ADAM23: variants seen among roughly 807,000 people sequenced by gnomAD.
ADAM23 encodes ADAM metallopeptidase domain 23, also known as disintegrin and metalloproteinase domain-containing protein 23.
ADAM23 carries 33 observed loss-of-function variants against 120.1 expected under a neutral mutation model. That is an observed-to-expected ratio of 0.27 (90% CI 0.21 to 0.37). The LOEUF (loss-of-function observed/expected upper bound fraction) is 0.37. ADAM23 is among the 10% of genes least tolerant of loss of function. The probability of loss-of-function intolerance (pLI) is 1.00; values close to 1 mark genes in which losing one functional copy is unlikely to be tolerated. For missense variants in ADAM23, 862 were observed against 1,058.2 expected (o/e 0.81, Z 2.57); for synonymous variants, 367 against 375.2 (o/e 0.98, Z 0.25).
intron 3 of ADAM23, among the ~76,000 whole-genome samples, chr2:206,495,540 A>G (rs1403059982): frequency 6.6e-6 from 1 of 152,252 alleles, no homozygotes; most frequent in African/African-American, 2.4e-5. Flanking sequence ...CAGCCACTGC[A>G]AAAACATGCC....
chr2:206,617,876 T>A lies in ADAM23; in HGVS notation c.*249T>A. On this transcript the variant is annotated 3_prime_UTR_variant, in exon 26 of 26. Transcript: ENST00000264377. ...CAAAAGACCATGCTATAAAAAGAACTGTTCCAGAATCTTTTTTTTCCCTAA... is the reference window on the plus strand; with the variant it reads ...CAAAAGACCATGCTATAAAAAGAACAGTTCCAGAATCTTTTTTTTCCCTAA... 1 of 624,074 alleles carries A rather than the reference T, an allele frequency of 1.6e-6. No individual in the cohort carries two copies. Among genetic ancestry groups the A allele is most frequent in the Non-Finnish European group, 2.3e-6 (1 of 427,784 alleles). The allele number at this position is 624,074 out of a possible 1,614,324, so 38.7% of individuals were successfully genotyped here. A position where few individuals can be genotyped will look rare whatever the true frequency, so the allele number is the denominator to read the frequency against.
Position 206,617,702 on chromosome 2 carries a change from A to G in ADAM23, c.*75A>G. On this transcript the variant is annotated 3_prime_UTR_variant, in exon 26 of 26. Coordinates refer to ENST00000264377, the MANE Select transcript of ADAM23 (RefSeq NM_003812.4). Reference sequence around the variant, plus strand: ...GACATACTCGCAGCAGTGTTACTGGAACTATTAAGTTTGTAAACAAAACCT... The same window carrying G: ...GACATACTCGCAGCAGTGTTACTGGGACTATTAAGTTTGTAAACAAAACCT... 1 of 1,589,280 alleles carries G rather than the reference A, an allele frequency of 6.3e-7. No individual in the cohort carries two copies.
intron 10 of ADAM23, 68 bp downstream of exon 10, chr2:206,557,566 T>A (rs987231815): frequency 1.5e-6 from 2 of 1,369,378 alleles, no homozygotes; most frequent in Non-Finnish European, 2.1e-6. Flanking sequence ...TGCTTACTTG[T>A]ACTTTAGGTA....
At chr2:206,616,674 G>T (rs1698940287) in intron 25 of ADAM23, among the ~76,000 whole-genome samples, 1 of 151,992 alleles carries the variant, frequency 6.6e-6, no homozygotes, top group Non-Finnish European at 1.5e-5. Flanking sequence ...GCAGGGGAGT[G>T]AGGGCTTTGG....
intron 2 of ADAM23, among the ~76,000 whole-genome samples, chr2:206,474,862 A>T (rs1574486274): frequency 2.0e-5 from 3 of 152,318 alleles, no homozygotes; most frequent in Admixed American, 2.0e-4. Context: ...GGCATGAGCC[A>T]CTGCGCCTGG....
rs1695018191 is a variant in ADAM23 at position 206,443,962 on chromosome 2, G to C, written c.96G>C (p.Ser32=). 3 of 1,300,026 alleles carry C rather than the reference G, an allele frequency of 2.3e-6. No homozygotes were observed. Among genetic ancestry groups the C allele is most frequent in the African/African-American group, 1.5e-5 (1 of 64,796 alleles). 80.5% of individuals were successfully genotyped at this position (1,300,026 alleles called of 1,614,324 possible). The part of the protein sequence containing the change: ...SCGPQRGPAG[S]VPASAPARTP... ...GCCCCCAACGCGGCCCCGCCGGCTC[G>C]GTGCCTGCCAGCGCCCCGGCCCGCA... Residue 32 remains serine, a synonymous_variant, in exon 1 of 26, where the codon TCG becomes TCC. Coordinates refer to ENST00000264377, the MANE Select transcript of ADAM23 (RefSeq NM_003812.4).
intron 6 of ADAM23, among the ~76,000 whole-genome samples, chr2:206,545,227 C>CCTATA (rs1401709429): frequency 6.6e-6 from 1 of 152,154 alleles, no homozygotes; most frequent in Non-Finnish European, 1.5e-5. Context: ...GTAGCTCACG[C>CCTATA]CTATAATCCT....
At chr2:206,553,504 CTATT>C (rs1459574554) in intron 9 of ADAM23, among the ~76,000 whole-genome samples, 4 of 152,138 alleles carry the variant, frequency 2.6e-5, no homozygotes, top group South Asian at 2.1e-4. Flanking sequence ...AAGATTTCTA[CTATT>C]TAAAGAAATA....
At chr2:206,491,879 G>T (rs1470227088) in intron 3 of ADAM23, among the ~76,000 whole-genome samples, 2 of 152,152 alleles carry the variant, frequency 1.3e-5, no homozygotes, top group African/African-American at 4.8e-5. Context: ...TCTTAAATGG[G>T]TTTCTCATAT....
At chr2:206,580,561 C>T (rs190709524) in intron 18 of ADAM23, among the ~76,000 whole-genome samples, 84 of 152,210 alleles carry the variant, frequency 5.5e-4, no homozygotes, top group East Asian at 3.9e-3. Context: ...ATCCCTGGTA[C>T]GAAACCCACT....
intron 13 of ADAM23, 109 bp downstream of exon 13, chr2:206,562,402 A>G: frequency 2.7e-6 from 2 of 738,284 alleles, no homozygotes; most frequent in East Asian, 2.6e-5. Flanking sequence ...GTTTAATTGT[A>G]GTATATCTCC....
At chr2:206,449,829 C>A (rs1332977194) in intron 2 of ADAM23, among the ~76,000 whole-genome samples, 1 of 152,108 alleles carries the variant, frequency 6.6e-6, no homozygotes, top group Non-Finnish European at 1.5e-5. Flanking sequence ...TTAGGATTCT[C>A]GTCTCTTCTG....
In ADAM23 at chr2:206,542,089, G is replaced by C; in HGVS notation, c.611G>C (p.Gly204Ala). 1 of 1,614,142 alleles carries C rather than the reference G, an allele frequency of 6.2e-7. No homozygotes were observed. Among genetic ancestry groups the C allele is most frequent in the Non-Finnish European group, 8.5e-7 (1 of 1,180,012 alleles). ...EHCYYHGSIR[G>A]VKDSKVALST... ...TGTTACTACCATGGAAGCATCAGAG[G>C]CGTCAAAGACTCCAAGGTGGCTCTG... The change falls in exon 5 of 26, where the codon GGC becomes GCC. Residue 204 changes from glycine to alanine, a missense_variant. Physicochemically the swap from Gly to Ala is moderately conservative, Grantham distance 60. Transcript: ENST00000264377.
chr2:206,512,611 G>A (rs1696646100), intron 3 of ADAM23, among the ~76,000 whole-genome samples: 1 of 152,148 alleles, frequency 6.6e-6, no homozygotes, highest in African/African-American at 2.4e-5. Context: ...GTCTAACAAT[G>A]TAACGTATTG....
intron 3 of ADAM23, among the ~76,000 whole-genome samples, chr2:206,507,096 A>C (rs1473798940): frequency 6.6e-6 from 1 of 152,212 alleles, no homozygotes; most frequent in Middle Eastern, 3.2e-3. Flanking sequence ...AGTGAGATAT[A>C]AATGCAGGGC....
chr2:206,518,299 A>C (rs1225323081), intron 3 of ADAM23, among the ~76,000 whole-genome samples: 1 of 152,200 alleles, frequency 6.6e-6, no homozygotes, highest in Admixed American at 6.5e-5. Flanking sequence ...GTTAAAAGAT[A>C]AAAATTCAGT....
chr2:206,600,942 A>G (rs1698629142), intron 24 of ADAM23, among the ~76,000 whole-genome samples: 1 of 152,080 alleles, frequency 6.6e-6, no homozygotes, highest in Non-Finnish European at 1.5e-5. Flanking sequence ...TTTATTTTTA[A>G]TTTTTTATAT....
intron 9 of ADAM23, among the ~76,000 whole-genome samples, chr2:206,553,778 A>G (rs908278813): frequency 4.6e-5 from 7 of 152,192 alleles, no homozygotes; most frequent in African/African-American, 7.2e-5. Flanking sequence ...AGAATAATTA[A>G]TACATTTATT....
At position 206,567,848 on chromosome 2, in the gene ADAM23, T is replaced by C. The variant is rs565565473; in HGVS notation, c.1494+526T>C. Among the ~76,000 whole-genome samples the C allele has an allele frequency of 3.9e-5, 6 of 152,226 alleles. No individual in the cohort carries two copies. The East Asian group carries it at 9.7e-4, about 24-fold the overall frequency. On this transcript the variant is annotated intron_variant, in intron 15 of 25. Coordinates refer to ENST00000264377, the MANE Select transcript of ADAM23 (RefSeq NM_003812.4). ...GGCTAGGGAGGCCTCAGGAAACTTA[T>C]AATCATGGTAGAAGGTAAAGGGGAA...
Sources: gnomAD v4.1 joint callset for allele counts (sites outside exome capture counted in the v4.1 genomes callset) on GRCh38, gnomAD v4.1.1 for gene constraint, MANE v1.5 for transcripts, NCBI Gene and HGNC (gene_info 2026-07-23, HGNC 2026-07-21) for gene names.